The following TCERG1L variants were observed in gnomAD, a reference collection of about 807,000 sequenced individuals.
TCERG1L encodes the protein transcription elongation regulator 1-like protein.
TCERG1L carries 37 observed loss-of-function variants against 56.3 expected under a neutral mutation model. The observed-to-expected ratio is 0.66, with a 90% confidence interval of 0.51 to 0.87. The LOEUF (loss-of-function observed/expected upper bound fraction) is 0.87, where lower values mean the gene tolerates loss of function less well. Ranked by LOEUF, TCERG1L falls within the 40% of genes least tolerant of loss-of-function variation. The pLI is 0.00. For missense variants in TCERG1L, 799 were observed against 774.2 expected, an observed-to-expected ratio of 1.03 and a Z score of -0.38; for synonymous variants, 324 against 326.3, an observed-to-expected ratio of 0.99 and a Z score of 0.08.
intron 6 of TCERG1L, among the ~76,000 whole-genome samples, chr10:131,152,722 G>T (rs996112077): frequency 1.3e-5 from 2 of 152,146 alleles, no homozygotes; most frequent in African/African-American, 4.8e-5. Context: ...TAGCTATAAG[G>T]AAATACCTCA....
Position 131,227,138 on chromosome 10 carries a change from G to A in TCERG1L, c.856+33121C>T, listed in dbSNP as rs143032224. 2.3e-3 allele frequency among the ~76,000 whole-genome samples: 355 copies of A among 152,350 alleles called. 1 individual carries two copies. Among genetic ancestry groups the A allele is most frequent in the African/African-American group, 8.0e-3 (333 of 41,592 alleles). ...ACTTGTTCTCCATAATGTCCCATAG[G>A]GCATGGCCATGGGCCCTAGCAAGGG... On this transcript the variant is annotated intron_variant, in intron 4 of 11. Transcript: ENST00000368642.
chr10:131,172,336 C>T, intron 4 of TCERG1L, among the ~76,000 whole-genome samples: 1 of 152,088 alleles, frequency 6.6e-6, no homozygotes, highest in East Asian at 1.9e-4. Flanking sequence ...GTGAATGGGC[C>T]CCAAGGAACA....
chr10:131,205,861 C>T (rs910873304), intron 4 of TCERG1L, among the ~76,000 whole-genome samples: 2 of 152,174 alleles, frequency 1.3e-5, no homozygotes, highest in Admixed American at 1.3e-4. Flanking sequence ...CTGGGATGGA[C>T]CCAGAGTTGG....
rs1190802995 is a variant in TCERG1L at position 131,304,211 on chromosome 10, T to TA, written c.670+3999dup. Among the ~76,000 whole-genome samples the TA allele has an allele frequency of 5.9e-5, 9 of 152,226 alleles. 1 individual carries two copies. The highest frequency in any genetic ancestry group is 2.2e-4 in the African/African-American group (9 of 41,478). ...TCTCTAGTTTCTAGCAAGATCCTTC[T>TA]ATTTCATTTGCCTTTGCTGGAAAGA... On this transcript the variant is annotated intron_variant, in intron 3 of 11. Coordinates refer to ENST00000368642, the MANE Select transcript of TCERG1L (RefSeq NM_174937.4).
chr10:131,301,110 G>C (rs1236368838), intron 3 of TCERG1L, among the ~76,000 whole-genome samples: 1 of 152,032 alleles, frequency 6.6e-6, no homozygotes, highest in African/African-American at 2.4e-5. Flanking sequence ...CCTTCCACCA[G>C]TGATAGGGTG....
chr10:131,138,121 T>C (rs1488242955), intron 7 of TCERG1L, among the ~76,000 whole-genome samples: 2 of 152,026 alleles, frequency 1.3e-5, no homozygotes, highest in African/African-American at 2.4e-5. Context: ...ATACAAAAAT[T>C]AGCCGGGTGT....
At chr10:131,195,290 C>A (rs1263546456) in intron 4 of TCERG1L, among the ~76,000 whole-genome samples, 1 of 152,180 alleles carries the variant, frequency 6.6e-6, no homozygotes, top group Non-Finnish European at 1.5e-5. Context: ...TGGCTGTCTT[C>A]CTTTTGCACC....
intron 4 of TCERG1L, among the ~76,000 whole-genome samples, chr10:131,186,723 G>A (rs1019970267): frequency 1.3e-5 from 2 of 152,154 alleles, no homozygotes; most frequent in African/African-American, 2.4e-5. Context: ...GGGCTGTGGC[G>A]CTGAAGGCTC....
In TCERG1L at chr10:131,116,649, AAGG is replaced by A. The variant is rs1428540351; in HGVS notation, c.1395+147_1395+149del. The A allele has an allele frequency of 2.8e-6, 3 of 1,078,440 alleles. No homozygotes were observed. In the African/African-American group the frequency reaches 4.7e-5, roughly 17 times the overall value. The allele number at this position is 1,078,440 out of a possible 1,614,324, so 66.8% of individuals were successfully genotyped here. ...GACTCAGCCTGAACAGGAACTCAGT[AAGG>A]AGGACACATCATCTCTCAGGCCAGG... On this transcript the variant is annotated intron_variant, in intron 9 of 11. Transcript: ENST00000368642.
At chr10:131,298,322 G>A (rs1038132843) in intron 3 of TCERG1L, among the ~76,000 whole-genome samples, 1 of 151,830 alleles carries the variant, frequency 6.6e-6, no homozygotes, top group East Asian at 1.9e-4. Context: ...TTACTTAGAA[G>A]CATTCTGTTC....
At chr10:131,237,832 G>C (rs1052398326) in intron 4 of TCERG1L, among the ~76,000 whole-genome samples, 1 of 152,132 alleles carries the variant, frequency 6.6e-6, no homozygotes, top group Non-Finnish European at 1.5e-5. Flanking sequence ...ACACCTAATG[G>C]GTTGCAAGTC....
chr10:131,151,052 T>C (rs1367080780), intron 6 of TCERG1L, among the ~76,000 whole-genome samples: 1 of 152,142 alleles, frequency 6.6e-6, no homozygotes, highest in African/African-American at 2.4e-5. Context: ...CTCCACCTGG[T>C]CCCACCCTTG....
intron 9 of TCERG1L, among the ~76,000 whole-genome samples, chr10:131,105,093 C>T (rs1334768931): frequency 1.3e-5 from 2 of 152,236 alleles, no homozygotes; most frequent in Admixed American, 6.5e-5. Context: ...CGTTGATGAC[C>T]TTGATGGTTT....
At chr10:131,239,093 G>A (rs976072498) in intron 4 of TCERG1L, among the ~76,000 whole-genome samples, 4 of 152,210 alleles carry the variant, frequency 2.6e-5, no homozygotes, top group Non-Finnish European at 5.9e-5. Flanking sequence ...GCCCATTTGA[G>A]GCTGCTGAAG....
intron 4 of TCERG1L, among the ~76,000 whole-genome samples, chr10:131,249,825 C>A (rs951366855): frequency 6.6e-6 from 1 of 152,140 alleles, no homozygotes; most frequent in Non-Finnish European, 1.5e-5. Flanking sequence ...CTTTTCAAAT[C>A]GTTGCAGGGA....
chr10:131,138,493 C>A (rs934483417), intron 7 of TCERG1L, among the ~76,000 whole-genome samples: 1 of 152,182 alleles, frequency 6.6e-6, no homozygotes, highest in East Asian at 1.9e-4. Context: ...TGCCCCATTA[C>A]AATGCCTAGC....
intron 4 of TCERG1L, among the ~76,000 whole-genome samples, chr10:131,184,215 A>G (rs908813051): frequency 6.6e-6 from 1 of 152,220 alleles, no homozygotes; most frequent in Admixed American, 6.5e-5. Flanking sequence ...AACGTGGCCC[A>G]TATTTCTATT....
intron 3 of TCERG1L, among the ~76,000 whole-genome samples, chr10:131,307,159 G>A (rs1415493615): frequency 1.3e-5 from 2 of 152,178 alleles, no homozygotes; most frequent in Non-Finnish European, 2.9e-5. Context: ...TCATCTTAGT[G>A]TAAAATGTTT....
At chr10:131,093,386 G>A (rs1564789930) in intron 11 of TCERG1L, 68 bp from the exon 12 acceptor site, 5 of 1,568,138 alleles carry the variant, frequency 3.2e-6, no homozygotes, top group Non-Finnish European at 4.3e-6. Flanking sequence ...AGATCCTGCA[G>A]CGGCACCGCC....
Sources: allele counts gnomAD v4.1 joint callset (sites outside exome capture counted in the v4.1 genomes callset), GRCh38; gene constraint gnomAD v4.1.1; transcripts MANE v1.5; gene names NCBI Gene and HGNC (gene_info 2026-07-23, HGNC 2026-07-21).